Variants in SLIT2 observed in about 807,000 individuals in gnomAD.
SLIT2 encodes the protein slit homolog 2 protein.
In SLIT2, 41 loss-of-function variants were observed where a neutral mutation model predicts 185.7. The observed-to-expected ratio is 0.22, with a 90% confidence interval of 0.17 to 0.29. The LOEUF (loss-of-function observed/expected upper bound fraction) is 0.29, where lower values mean the gene tolerates loss of function less well. SLIT2 is among the 10% of genes least tolerant of loss of function. The pLI, the probability that SLIT2 is intolerant of heterozygous loss-of-function variation, is 1.00. For missense variants in SLIT2, 1,571 were observed against 1,909.0 expected (o/e 0.82, Z 3.30); for synonymous variants, 693 against 680.2 (o/e 1.02, Z -0.29).
At chr4:20,553,162 T>A (rs1235097863) in intron 25 of SLIT2, among the ~76,000 whole-genome samples, 1 of 152,216 alleles carries the variant, frequency 6.6e-6, no homozygotes, top group Non-Finnish European at 1.5e-5. Flanking sequence ...GTTCTTTCTT[T>A]GTACTTACCT....
intron 22 of SLIT2, 137 bp from the exon 23 acceptor site, chr4:20,548,351 C>T (rs1723439661): frequency 1.7e-6 from 1 of 590,338 alleles, no homozygotes; most frequent in African/African-American, 1.9e-5. Flanking sequence ...GGGTCGTTCA[C>T]TGTTTTATTG....
At chr4:20,273,832 A>G (rs1713883465) in intron 4 of SLIT2, among the ~76,000 whole-genome samples, 1 of 152,196 alleles carries the variant, frequency 6.6e-6, no homozygotes, top group African/African-American at 2.4e-5. Flanking sequence ...GCCAGCTCTG[A>G]TTAAAGTGTG....
At chr4:20,294,260 A>G (rs2109089563) in intron 4 of SLIT2, among the ~76,000 whole-genome samples, 1 of 152,024 alleles carries the variant, frequency 6.6e-6, no homozygotes. Context: ...GACGCACAAG[A>G]ATTGCTTGAA....
intron 3 of SLIT2, 150 bp downstream of exon 3, chr4:20,258,089 T>G: frequency 2.0e-6 from 1 of 511,436 alleles, no homozygotes; most frequent in Non-Finnish European, 3.5e-6. Context: ...GGTTAATTTA[T>G]GACAAATAGA....
intron 29 of SLIT2, among the ~76,000 whole-genome samples, chr4:20,578,675 G>C (rs952938262): frequency 6.6e-6 from 1 of 152,094 alleles, no homozygotes; most frequent in South Asian, 2.1e-4. Flanking sequence ...GCAGAAGGTA[G>C]CAACAGTAGC....
At chr4:20,497,927 A>T (rs1191732326) in intron 9 of SLIT2, among the ~76,000 whole-genome samples, 1 of 152,128 alleles carries the variant, frequency 6.6e-6, no homozygotes, top group Non-Finnish European at 1.5e-5. Flanking sequence ...TAATCTCAGC[A>T]CTTTTAGAGG....
At chr4:20,584,687 A>T (rs767831509) in intron 29 of SLIT2, among the ~76,000 whole-genome samples, 4 of 152,218 alleles carry the variant, frequency 2.6e-5, no homozygotes, top group Non-Finnish European at 4.4e-5. Flanking sequence ...CACAAGTTGT[A>T]ATAGTGTTAC....
At chr4:20,330,072 C>T (rs1045413186) in intron 4 of SLIT2, among the ~76,000 whole-genome samples, 7 of 151,952 alleles carry the variant, frequency 4.6e-5, no homozygotes, top group Non-Finnish European at 7.4e-5. Context: ...GTAAACCTTA[C>T]ACCATAGCAC....
intron 4 of SLIT2, among the ~76,000 whole-genome samples, chr4:20,327,780 A>G (rs562815863): frequency 6.6e-6 from 1 of 152,070 alleles, no homozygotes. Flanking sequence ...TGCCCATTCC[A>G]TTAATTATCA....
chr4:20,481,585 G>T (rs181830802), intron 6 of SLIT2, among the ~76,000 whole-genome samples: 200 of 152,014 alleles, frequency 1.3e-3, no homozygotes, highest in Admixed American at 3.5e-3. Flanking sequence ...TTTCATCCTT[G>T]AGAAAATTTA....
intron 4 of SLIT2, among the ~76,000 whole-genome samples, chr4:20,295,090 A>G (rs904977746): frequency 3.3e-5 from 5 of 152,230 alleles, no homozygotes; most frequent in Admixed American, 6.5e-5. Context: ...GGCTCATGTC[A>G]AGGGTTTGGG....
At chr4:20,573,758 A>G (rs1054246169) in intron 29 of SLIT2, among the ~76,000 whole-genome samples, 6 of 152,048 alleles carry the variant, frequency 3.9e-5, no homozygotes, top group African/African-American at 1.2e-4. Context: ...TTATTGAAAC[A>G]CTTTATGAAA....
rs188942250 is a variant in SLIT2 at position 20,603,944 on chromosome 4, C to T, written c.3692+5549C>T. ...TGATATGCCATATGGAAAGTTCCCC[C>T]TGTTTACTAGCTTATAACCTTGGGC... On this transcript the variant is annotated intron_variant, in intron 33 of 36. Transcript: ENST00000504154. Among the ~76,000 whole-genome samples, 3 of 152,314 alleles carry T rather than the reference C, an allele frequency of 2.0e-5. No individual in the cohort carries two copies. The East Asian group carries it at 5.8e-4, about 29-fold the overall frequency.
intron 4 of SLIT2, among the ~76,000 whole-genome samples, chr4:20,365,337 G>T (rs1178771787): frequency 6.6e-6 from 1 of 152,114 alleles, no homozygotes; most frequent in Non-Finnish European, 1.5e-5. Flanking sequence ...ACTCCTCAGG[G>T]ATGCTGTTAA....
intron 11 of SLIT2, among the ~76,000 whole-genome samples, chr4:20,518,591 T>A (rs866559311): frequency 0.031 from 216 of 7,016 alleles, no homozygotes; most frequent in South Asian, 0.06. Context: ...ATATATATTT[T>A]TTTTTTTTTT....
At chr4:20,398,157 C>T (rs909569770) in intron 4 of SLIT2, among the ~76,000 whole-genome samples, 29 of 151,488 alleles carry the variant, frequency 1.9e-4, no homozygotes, top group African/African-American at 6.3e-4. Flanking sequence ...AGCTGAGATC[C>T]CTGAAAAGTG....
At chr4:20,307,618 C>T (rs952524660) in intron 4 of SLIT2, among the ~76,000 whole-genome samples, 62 of 152,102 alleles carry the variant, frequency 4.1e-4, no homozygotes, top group Admixed American at 4.0e-3. Flanking sequence ...TATGCAGTTA[C>T]TCTTTTTGAA....
intron 4 of SLIT2, among the ~76,000 whole-genome samples, chr4:20,350,599 C>T (rs1721791152): frequency 6.6e-6 from 1 of 152,062 alleles, no homozygotes; most frequent in Non-Finnish European, 1.5e-5. Flanking sequence ...ATATTAAGTA[C>T]ATCATTATTA....
intron 4 of SLIT2, among the ~76,000 whole-genome samples, chr4:20,301,950 G>T (rs754764886): frequency 6.6e-6 from 1 of 152,014 alleles, no homozygotes; most frequent in African/African-American, 2.4e-5. Context: ...TAATAATCAA[G>T]CCTTGCCTTG....
Sources: gnomAD v4.1 joint callset for allele counts (sites outside exome capture counted in the v4.1 genomes callset) on GRCh38, gnomAD v4.1.1 for gene constraint, MANE v1.5 for transcripts, NCBI Gene and HGNC (gene_info 2026-07-23, HGNC 2026-07-21) for gene names.